The following PRIM2 variants were observed in gnomAD, a reference collection of about 807,000 sequenced individuals.
PRIM2 encodes the protein DNA primase subunit 2.
Under a neutral mutation model 67.3 loss-of-function variants are expected in PRIM2, and 39 were observed. That is an observed-to-expected ratio of 0.58 (90% CI 0.45 to 0.76). The LOEUF is 0.76. Among genes scored for constraint, PRIM2 ranks in the 30% least tolerant of loss-of-function variants. PRIM2 has a pLI of 0.00. For synonymous variants in PRIM2, 143 were observed against 198.7 expected (o/e 0.72, Z 2.36); for missense variants, 398 against 598.7 (o/e 0.66, Z 3.50).
At chr6:57,309,410 A>C in the PRIM2 span, among the ~76,000 whole-genome samples, 1 of 150,452 alleles carries the variant, frequency 6.6e-6, no homozygotes, top group Admixed American at 6.7e-5. Context: ...TTGTTCTTGC[A>C]ATAGTTTACT....
At chr6:57,565,418 G>C (rs1421157826) in intron 10 of PRIM2, among the ~76,000 whole-genome samples, 12 of 148,794 alleles carry the variant, frequency 8.1e-5, no homozygotes, top group East Asian at 5.8e-4. Context: ...ATGATCTGCT[G>C]TCAGCAAGCT....
At chr6:57,320,766 A>G (rs1339106648) in intron 3 of PRIM2, among the ~76,000 whole-genome samples, 3 of 152,148 alleles carry the variant, frequency 2.0e-5, no homozygotes, top group Non-Finnish European at 4.4e-5. Flanking sequence ...CAGGACTAAC[A>G]TCATTTTGGG....
chr6:57,266,214 T>C, the PRIM2 span, among the ~76,000 whole-genome samples: 1 of 152,192 alleles, frequency 6.6e-6, no homozygotes, highest in Non-Finnish European at 1.5e-5. Flanking sequence ...CAAGTCTTTA[T>C]GGAAGATGAC....
intron 5 of PRIM2, among the ~76,000 whole-genome samples, chr6:57,356,208 A>G (rs969096437): frequency 2.6e-5 from 4 of 152,104 alleles, no homozygotes; most frequent in African/African-American, 9.7e-5. Flanking sequence ...TGGTGCTGCT[A>G]TTTACTAGTT....
In PRIM2 at chr6:57,635,884, G is replaced by A. The variant is rs1451987556; in HGVS notation, c.1299+3683G>A. 1.6e-4 allele frequency among the ~76,000 whole-genome samples: 25 copies of A among 152,126 alleles called. 1 individual carries two copies. In the East Asian group the frequency reaches 1.7e-3, roughly 11 times the overall value. On this transcript the variant is annotated intron_variant, in intron 13 of 13. Coordinates refer to ENST00000615550, the MANE Select transcript of PRIM2 (RefSeq NM_000947.5). ...CTGCTGGAGTGACCTTTAAAATAGA[G>A]GAATCTGATCATTTCAGGAACCTGC...
chr6:57,307,002 C>T, the PRIM2 span, among the ~76,000 whole-genome samples: 1 of 151,970 alleles, frequency 6.6e-6, no homozygotes, highest in Non-Finnish European at 1.5e-5. Context: ...AGTTCGAGAC[C>T]AGCCTAGCCA....
chr6:57,283,187 G>A, the PRIM2 span, among the ~76,000 whole-genome samples: 6 of 152,228 alleles, frequency 3.9e-5, no homozygotes, highest in South Asian at 1.2e-3. Context: ...CTTTCTGAGT[G>A]CCACTCATAT....
At chr6:57,222,978 A>G in the PRIM2 span, among the ~76,000 whole-genome samples, 2 of 152,220 alleles carry the variant, frequency 1.3e-5, no homozygotes, top group Non-Finnish European at 2.9e-5. Flanking sequence ...CTTAGGGTGC[A>G]CGGACAGGCA....
rs1252238271 is a variant in PRIM2, at chr6:57,320,566, T to C, written c.258+6T>C. 6.4e-7 allele frequency: 1 copy of C among 1,571,636 alleles called. No homozygotes were observed. The highest frequency in any genetic ancestry group is 1.2e-5 in the South Asian group (1 of 85,080). The stretch of plus-strand genomic sequence containing the variant: ...AGCTCAAGTTTTCCTACAGAGTAAG[T>C]AAAAAAGGAAAAAAAAGTTCCTTCA... On this transcript the variant is annotated splice_donor_region_variant and intron_variant, in intron 3 of 13. Transcript: ENST00000615550.
chr6:57,359,353 T>C (rs1455845832), intron 5 of PRIM2, among the ~76,000 whole-genome samples: 1 of 152,196 alleles, frequency 6.6e-6, no homozygotes, highest in Non-Finnish European at 1.5e-5. Flanking sequence ...CATTCCCACC[T>C]GAGCCCAGCC....
the PRIM2 span, among the ~76,000 whole-genome samples, chr6:57,273,760 A>T: frequency 7.5e-3 from 1,141 of 152,012 alleles, 13 homozygotes; most frequent in African/African-American, 0.027. Context: ...TTTTGGTTTT[A>T]TCTACCTTTG....
intron 5 of PRIM2, among the ~76,000 whole-genome samples, chr6:57,343,155 G>T (rs560474013): frequency 6.6e-6 from 1 of 152,154 alleles, no homozygotes; most frequent in Non-Finnish European, 1.5e-5. Context: ...TTGGTATTCT[G>T]TCTTGATTTC....
At chr6:57,242,525 G>A in the PRIM2 span, among the ~76,000 whole-genome samples, 86,028 of 151,978 alleles carry the variant, frequency 0.57, 25,282 homozygotes, top group South Asian at 0.66. Context: ...CTTAAATTGC[G>A]TCATGTTTTT....
chr6:57,320,586 C>A, intron 3 of PRIM2, 26 bp downstream of exon 3: 1 of 1,449,226 alleles, frequency 6.9e-7, no homozygotes, highest in Non-Finnish European at 9.4e-7. Context: ...AAAAAAAGTT[C>A]CTTCAGTTTC....
intron 10 of PRIM2, among the ~76,000 whole-genome samples, chr6:57,551,047 G>C (rs1423331707): frequency 6.6e-6 from 1 of 151,990 alleles, no homozygotes; most frequent in Non-Finnish European, 1.5e-5. Flanking sequence ...TTATTATTTT[G>C]TTTTTACTTA....
intron 12 of PRIM2, among the ~76,000 whole-genome samples, chr6:57,606,984 C>A (rs1482404386): frequency 0.72 from 109,263 of 152,044 alleles, 39,872 homozygotes; most frequent in African/African-American, 0.85. Context: ...TCAGATTGTA[C>A]AACCAAATGT....
intron 5 of PRIM2, among the ~76,000 whole-genome samples, chr6:57,338,259 A>G (rs1768332418): frequency 6.6e-6 from 1 of 152,306 alleles, no homozygotes; most frequent in African/African-American, 2.4e-5. Context: ...ATGGATTCAC[A>G]GCTGAATTCT....
chr6:57,241,686 G>GTTT, the PRIM2 span, among the ~76,000 whole-genome samples: 2,259 of 42,934 alleles, frequency 0.053, 107 homozygotes, highest in African/African-American at 0.15. Context: ...GCAGAACTAT[G>GTTT]TATTTTTTTT....
At chr6:57,559,721 A>G (rs1775591024) in intron 10 of PRIM2, among the ~76,000 whole-genome samples, 1 of 152,216 alleles carries the variant, frequency 6.6e-6, no homozygotes. Flanking sequence ...AAGTCACACA[A>G]TTTGCTTTCC....
Sources: gnomAD v4.1 joint callset for allele counts (sites outside exome capture counted in the v4.1 genomes callset) on GRCh38, gnomAD v4.1.1 for gene constraint, MANE v1.5 for transcripts, NCBI Gene and HGNC (gene_info 2026-07-23, HGNC 2026-07-21) for gene names.